Variants in KCNQ5 observed in about 807,000 individuals in gnomAD.
KCNQ5 encodes the protein potassium voltage-gated channel subfamily Q member 5, also known as potassium voltage-gated channel subfamily KQT member 5.
A neutral mutation model predicts 98.2 loss-of-function variants in KCNQ5; 30 were observed. The observed-to-expected ratio is 0.31, with a 90% CI of 0.23 to 0.41. KCNQ5 has a LOEUF of 0.41. KCNQ5 is among the 10% of genes least tolerant of loss of function. The pLI, the probability that KCNQ5 is intolerant of heterozygous loss-of-function variation, is 1.00. For synonymous variants in KCNQ5, 458 were observed against 449.4 expected (o/e 1.02, Z -0.24); for missense variants, 835 against 1,182.5 (o/e 0.71, Z 4.31).
intron 1 of KCNQ5, among the ~76,000 whole-genome samples, chr6:72,853,528 G>A (rs528700851): frequency 6.6e-6 from 1 of 152,160 alleles, no homozygotes; most frequent in South Asian, 2.1e-4. Flanking sequence ...GTTGTTATTA[G>A]AGACAGGATT....
Position 73,157,736 on chromosome 6 carries a change from G to A in KCNQ5, c.1469-12010G>A, listed in dbSNP as rs541141859. On this transcript the variant is annotated intron_variant, in intron 10 of 13. Coordinates refer to ENST00000370398, the MANE Select transcript of KCNQ5 (RefSeq NM_019842.4). Reference sequence around the variant, plus strand: ...GCCCCCATCAGGTCATAGGGGTCCCGAGCGATGAAGTAAGTGTGCTCCTAG... The same window carrying A: ...GCCCCCATCAGGTCATAGGGGTCCCAAGCGATGAAGTAAGTGTGCTCCTAG... 320 of 777,680 alleles carry A rather than the reference G, an allele frequency of 4.1e-4. 4 individuals carry two copies. Among genetic ancestry groups the A allele is most frequent in the South Asian group, 4.0e-3 (299 of 74,460 alleles). The allele number at this position is 777,680 out of a possible 1,614,324, so 48.2% of individuals were successfully genotyped here. A position where few individuals can be genotyped will look rare whatever the true frequency, so the allele number is the denominator to read the frequency against.
chr6:72,921,986 A>G (rs774310248), intron 1 of KCNQ5, among the ~76,000 whole-genome samples: 3 of 152,170 alleles, frequency 2.0e-5, no homozygotes, highest in Non-Finnish European at 4.4e-5. Context: ...TGTTCCTCCA[A>G]AAAAGGTTGT....
In KCNQ5 at chr6:72,960,354, T is replaced by G. The variant is rs546813241; in HGVS notation, c.399-43554T>G. Among the ~76,000 whole-genome samples the G allele has an allele frequency of 2.0e-5, 3 of 151,216 alleles. No individual in the cohort carries two copies. The East Asian group carries it at 5.9e-4, about 30-fold the overall frequency. On this transcript the variant is annotated intron_variant, in intron 1 of 13. Transcript: ENST00000370398. The stretch of plus-strand genomic sequence containing the variant: ...ATTTTCTTAACTTTTTAATAAATAT[T>G]TAAGTGTTTCCCTCAATATTCTATT...
intron 5 of KCNQ5, among the ~76,000 whole-genome samples, chr6:73,095,712 A>G (rs1485766600): frequency 3.9e-5 from 6 of 152,084 alleles, no homozygotes; most frequent in East Asian, 1.9e-4. Flanking sequence ...TAGCCACCCA[A>G]CAAGTCTTCC....
chr6:72,944,444 G>A (rs771070896), intron 1 of KCNQ5, among the ~76,000 whole-genome samples: 9 of 152,056 alleles, frequency 5.9e-5, no homozygotes, highest in Admixed American at 3.3e-4. Context: ...CTACATGCCC[G>A]ATATTATTTC....
At chr6:72,711,151 A>G (rs1769346504) in intron 1 of KCNQ5, among the ~76,000 whole-genome samples, 1 of 152,090 alleles carries the variant, frequency 6.6e-6, no homozygotes, top group Non-Finnish European at 1.5e-5. Flanking sequence ...CCTTAATCCA[A>G]TAGGACTGGT....
At chr6:73,128,691 C>A (rs1776097542) in intron 9 of KCNQ5, among the ~76,000 whole-genome samples, 1 of 152,290 alleles carries the variant, frequency 6.6e-6, no homozygotes, top group South Asian at 2.1e-4. Context: ...TGGCTATATG[C>A]CTGCTTGATA....
chr6:72,895,182 G>C (rs2150186999), intron 1 of KCNQ5, among the ~76,000 whole-genome samples: 1 of 150,846 alleles, frequency 6.6e-6, no homozygotes, highest in Non-Finnish European at 1.5e-5. Context: ...CCAGCTACTT[G>C]GGAGGCTGAG....
chr6:72,883,589 CA>C (rs551737016), intron 1 of KCNQ5, among the ~76,000 whole-genome samples: 1 of 151,920 alleles, frequency 6.6e-6, no homozygotes, highest in Non-Finnish European at 1.5e-5. Flanking sequence ...AGACAGGAGT[CA>C]AAAAAATAGA....
At chr6:72,726,846 T>C (rs1242765804) in intron 1 of KCNQ5, among the ~76,000 whole-genome samples, 6 of 152,198 alleles carry the variant, frequency 3.9e-5, no homozygotes, top group Admixed American at 3.9e-4. Context: ...TTTAATTTTT[T>C]TCAAATTGTT....
intron 5 of KCNQ5, among the ~76,000 whole-genome samples, chr6:73,090,443 T>G (rs1216490718): frequency 6.6e-6 from 1 of 152,208 alleles, no homozygotes; most frequent in African/African-American, 2.4e-5. Context: ...TCTTTGTTTT[T>G]ATTGCATTCA....
At chr6:72,722,847 GAC>G in intron 1 of KCNQ5, among the ~76,000 whole-genome samples, 1 of 133,072 alleles carries the variant, frequency 7.5e-6, no homozygotes, top group African/African-American at 3.2e-5. Flanking sequence ...GGGTTTGGTT[GAC>G]TTTTTTTTTT....
rs534542046 is a variant in KCNQ5 at position 73,006,895 on chromosome 6, C to T, written c.489+2897C>T. On this transcript the variant is annotated intron_variant, in intron 2 of 13. Coordinates refer to ENST00000370398, the MANE Select transcript of KCNQ5 (RefSeq NM_019842.4). ...CTATTTCTGTGCAAGTGAAAGGCACCGACACTTGTGACAGGGAGCACACTA... is the reference window on the plus strand; with the variant it reads ...CTATTTCTGTGCAAGTGAAAGGCACTGACACTTGTGACAGGGAGCACACTA... Among the ~76,000 whole-genome samples, 10 of 152,048 alleles carry T rather than the reference C, an allele frequency of 6.6e-5. No homozygotes were observed. The East Asian group carries it at 1.2e-3, about 18-fold the overall frequency.
At chr6:72,795,317 C>T (rs1477141880) in intron 1 of KCNQ5, among the ~76,000 whole-genome samples, 1 of 152,102 alleles carries the variant, frequency 6.6e-6, no homozygotes, top group Admixed American at 6.6e-5. Context: ...AGAACCTGAA[C>T]CAAATGCACT....
At chr6:72,707,474 A>C (rs1017873302) in intron 1 of KCNQ5, among the ~76,000 whole-genome samples, 3 of 152,226 alleles carry the variant, frequency 2.0e-5, no homozygotes, top group African/African-American at 7.2e-5. Context: ...TGGATTCAGT[A>C]GGGAATGAAA....
At chr6:73,136,950 A>T (rs924893477) in intron 10 of KCNQ5, among the ~76,000 whole-genome samples, 2 of 152,148 alleles carry the variant, frequency 1.3e-5, no homozygotes, top group Non-Finnish European at 2.9e-5. Flanking sequence ...TGCTCTCCTC[A>T]CATATTTTCA....
At chr6:72,777,977 G>T (rs1773244834) in intron 1 of KCNQ5, among the ~76,000 whole-genome samples, 1 of 152,160 alleles carries the variant, frequency 6.6e-6, no homozygotes, top group Non-Finnish European at 1.5e-5. Context: ...AAATCAGTTG[G>T]CAGTAGGATA....
intron 5 of KCNQ5, among the ~76,000 whole-genome samples, chr6:73,078,491 A>G (rs1338939103): frequency 6.6e-6 from 1 of 152,242 alleles, no homozygotes; most frequent in Non-Finnish European, 1.5e-5. Context: ...CTAAACATTC[A>G]TTTAACTCAT....
At chr6:73,079,480 C>T (rs1320889177) in intron 5 of KCNQ5, among the ~76,000 whole-genome samples, 2 of 152,136 alleles carry the variant, frequency 1.3e-5, no homozygotes, top group South Asian at 2.1e-4. Flanking sequence ...AGACCCAGAA[C>T]ATTTGTCAGA....
Sources: allele counts gnomAD v4.1 joint callset (sites outside exome capture counted in the v4.1 genomes callset), GRCh38; gene constraint gnomAD v4.1.1; transcripts MANE v1.5; gene names NCBI Gene and HGNC (gene_info 2026-07-23, HGNC 2026-07-21).